Variants in ENOX1 observed in about 807,000 individuals in gnomAD.
ENOX1 encodes the protein ecto-NOX disulfide-thiol exchanger 1, also known as candidate growth-related and time keeping constitutive hydroquinone (NADH) oxidase.
ENOX1 carries 42 observed loss-of-function variants against 82.5 expected under a neutral mutation model. That is an observed-to-expected ratio of 0.51 (90% confidence interval 0.40 to 0.66). The LOEUF is 0.66. Among genes scored for constraint, ENOX1 ranks in the 30% least tolerant of loss-of-function variants. The pLI is 0.00. For missense variants in ENOX1, 608 were observed against 811.6 expected, an observed-to-expected ratio of 0.75 and a Z score of 3.05; for synonymous variants, 271 against 282.2, an observed-to-expected ratio of 0.96 and a Z score of 0.40.
chr13:43,401,675 T>C (rs562475124), intron 5 of ENOX1, among the ~76,000 whole-genome samples: 2 of 152,256 alleles, frequency 1.3e-5, no homozygotes, highest in East Asian at 3.9e-4. Flanking sequence ...AGATGGAACC[T>C]TTCTGAAGCT....
intron 1 of ENOX1, among the ~76,000 whole-genome samples, chr13:43,746,304 C>A (rs1018354133): frequency 1.2e-4 from 18 of 151,788 alleles, no homozygotes; most frequent in Admixed American, 6.6e-5. Flanking sequence ...CCTTGGATTA[C>A]ATATGTCATT....
intron 2 of ENOX1, among the ~76,000 whole-genome samples, chr13:43,665,465 T>C (rs1021376948): frequency 2.0e-5 from 3 of 152,170 alleles, no homozygotes; most frequent in Non-Finnish European, 4.4e-5. Flanking sequence ...AGGGCAGATC[T>C]ATTTCAGGAT....
intron 3 of ENOX1, among the ~76,000 whole-genome samples, chr13:43,473,926 G>A (rs2058173965): frequency 6.6e-6 from 1 of 152,090 alleles, no homozygotes; most frequent in Admixed American, 6.6e-5. Context: ...ATATGTAAAT[G>A]AACATCGTCA....
chr13:43,302,539 G>A (rs2046637699), intron 11 of ENOX1, among the ~76,000 whole-genome samples: 1 of 152,146 alleles, frequency 6.6e-6, no homozygotes, highest in Non-Finnish European at 1.5e-5. Context: ...AGGCAAGATT[G>A]TTATACTTCA....
chr13:43,467,173 T>C (rs1280654883), intron 3 of ENOX1, among the ~76,000 whole-genome samples: 2 of 152,208 alleles, frequency 1.3e-5, no homozygotes, highest in Non-Finnish European at 2.9e-5. Context: ...ATTAACTTTT[T>C]AAGAAAATGT....
intron 12 of ENOX1, among the ~76,000 whole-genome samples, chr13:43,276,992 G>T (rs987250644): frequency 1.3e-5 from 2 of 152,158 alleles, no homozygotes; most frequent in African/African-American, 4.8e-5. Flanking sequence ...TATGGCCAGT[G>T]TATTAACCCT....
intron 1 of ENOX1, among the ~76,000 whole-genome samples, chr13:43,760,610 T>C (rs965803772): frequency 6.6e-6 from 1 of 152,138 alleles, no homozygotes; most frequent in African/African-American, 2.4e-5. Flanking sequence ...ACCTCTGCCA[T>C]CATCCCTCCC....
chr13:43,581,512 T>C (rs186367779), intron 2 of ENOX1, among the ~76,000 whole-genome samples: 48 of 152,342 alleles, frequency 3.2e-4, no homozygotes, highest in African/African-American at 1.1e-3. Flanking sequence ...AAAGTCCATT[T>C]CTTACATATA....
intron 1 of ENOX1, among the ~76,000 whole-genome samples, chr13:43,732,297 T>C (rs2089393142): frequency 6.6e-6 from 1 of 152,218 alleles, no homozygotes. Flanking sequence ...GCTTTTTGTC[T>C]TCCTCACTCC....
In ENOX1 at chr13:43,616,202, ATATT is replaced by A. The variant is rs1566642621; in HGVS notation, c.-219+51273_-219+51276del. On this transcript the variant is annotated intron_variant, in intron 2 of 16. Transcript: ENST00000690772. ...TCTATCTATCTATATATATATATATATATTTTTTTTTTTTTTTTAGGACGGAGTC... is the reference window on the plus strand; with the variant it reads ...TCTATCTATCTATATATATATATATATTTTTTTTTTTTTTAGGACGGAGTC... Among the ~76,000 whole-genome samples, 119 of 41,226 alleles carry A rather than the reference ATATT, an allele frequency of 2.9e-3. 27 individuals carry two copies. Among genetic ancestry groups the A allele is most frequent in the African/African-American group, 3.6e-3 (46 of 12,824 alleles). The allele number at this position is 41,226 out of a possible 152,430, so 27.0% of individuals were successfully genotyped here. A position where few individuals can be genotyped will look rare whatever the true frequency, so the allele number is the denominator to read the frequency against.
intron 10 of ENOX1, among the ~76,000 whole-genome samples, chr13:43,323,022 A>G (rs539991247): frequency 6.6e-6 from 1 of 152,348 alleles, no homozygotes; most frequent in African/African-American, 2.4e-5. Flanking sequence ...TGAGTTAATG[A>G]ATGTACAGTA....
At chr13:43,610,482 T>G (rs937261733) in intron 2 of ENOX1, among the ~76,000 whole-genome samples, 1 of 152,190 alleles carries the variant, frequency 6.6e-6, no homozygotes, top group Non-Finnish European at 1.5e-5. Flanking sequence ...TTAGATGGAG[T>G]TGGGGAAAAC....
chr13:43,554,127 A>G (rs535515716), intron 2 of ENOX1, among the ~76,000 whole-genome samples: 1 of 152,318 alleles, frequency 6.6e-6, no homozygotes, highest in Admixed American at 6.5e-5. Context: ...GATCCTAGAT[A>G]AGGAGACATT....
intron 11 of ENOX1, among the ~76,000 whole-genome samples, chr13:43,316,800 G>A (rs1468036930): frequency 2.0e-5 from 3 of 151,600 alleles, no homozygotes; most frequent in Admixed American, 6.6e-5. Flanking sequence ...AAAGAAACAG[G>A]AAAGCCTTGG....
intron 2 of ENOX1, among the ~76,000 whole-genome samples, chr13:43,655,878 A>G (rs2084409167): frequency 6.6e-6 from 1 of 151,996 alleles, no homozygotes. Flanking sequence ...CTTCCAAATA[A>G]CTAGTTCACC....
chr13:43,756,601 T>C (rs1039696287), intron 1 of ENOX1, among the ~76,000 whole-genome samples: 8 of 151,966 alleles, frequency 5.3e-5, no homozygotes, highest in African/African-American at 1.9e-4. Context: ...TGGCCATTTT[T>C]ATGTGCATCC....
intron 2 of ENOX1, among the ~76,000 whole-genome samples, chr13:43,550,745 C>A (rs2079159713): frequency 6.6e-6 from 1 of 152,148 alleles, no homozygotes; most frequent in African/African-American, 2.4e-5. Flanking sequence ...AAACTCTCCT[C>A]CTTACAAAGT....
At chr13:43,484,185 T>A in intron 2 of ENOX1, 33 bp from the exon 3 acceptor site, 2 of 982,084 alleles carry the variant, frequency 2.0e-6, no homozygotes, top group Non-Finnish European at 2.4e-6. Flanking sequence ...CGTTAGGATA[T>A]GTCTAAAGTA....
chr13:43,629,645 G>A (rs1163171242), intron 2 of ENOX1, among the ~76,000 whole-genome samples: 2 of 152,202 alleles, frequency 1.3e-5, no homozygotes, highest in Non-Finnish European at 2.9e-5. Flanking sequence ...TTCCATACAT[G>A]TATCAATTTA....
Sources: allele counts gnomAD v4.1 joint callset (sites outside exome capture counted in the v4.1 genomes callset), GRCh38; gene constraint gnomAD v4.1.1; transcripts MANE v1.5; gene names NCBI Gene and HGNC (gene_info 2026-07-23, HGNC 2026-07-21).